EXD3: variants seen among roughly 807,000 people sequenced by gnomAD.
EXD3 encodes exonuclease mut-7 homolog.
Under a neutral mutation model 98.0 loss-of-function variants are expected in EXD3, and 92 were observed. The ratio of observed to expected loss-of-function variants is 0.94; its 90% CI spans 0.79 to 1.12. The LOEUF (loss-of-function observed/expected upper bound fraction) is 1.12. EXD3 is among the 50% of genes most tolerant of loss of function. The pLI, the probability that EXD3 is intolerant of heterozygous loss-of-function variation, is 0.00. For missense variants in EXD3, 1,222 were observed against 1,191.6 expected (o/e 1.03, Z -0.38); for synonymous variants, 569 against 526.0 (o/e 1.08, Z -1.12).
At position 137,395,895 on chromosome 9, in the gene EXD3, G is replaced by A. The variant is rs994419184; in HGVS notation, c.-47-491C>T. 2.0e-5 allele frequency among the ~76,000 whole-genome samples: 3 copies of A among 152,102 alleles called. No homozygotes were observed. The highest frequency in any genetic ancestry group is 6.5e-5 in the Admixed American group (1 of 15,274). ...TACGCAGCTCCGTAAGACTCCAGGC[G>A]GCCGCTGACAGCTCTCATCCCAGGC... is the stretch of plus-strand genomic sequence containing the variant. On this transcript the variant is annotated intron_variant, in intron 1 of 21. Transcript: ENST00000340951. This position sits in a 1 kb window ranked among gnomAD's most constrained non-coding sequence, Gnocchi z 6.5.
rs1000851829 is a variant in EXD3, at chr9:137,395,489, G to C, written c.-47-85C>G. Reference sequence around the variant, plus strand: ...CCCACGCCCACAGCCCCTGGAGGTGGTGGAGGGAGCTGGTGCCTGGGGGGG... The same window carrying C: ...CCCACGCCCACAGCCCCTGGAGGTGCTGGAGGGAGCTGGTGCCTGGGGGGG... On this transcript the variant is annotated intron_variant, in intron 1 of 21. Transcript: ENST00000340951. This position sits in a 1 kb window ranked among gnomAD's most constrained non-coding sequence, Gnocchi z 6.5. The C allele has an allele frequency of 2.2e-6, 3 of 1,358,454 alleles. No individual in the cohort carries two copies. The highest frequency in any genetic ancestry group is 1.4e-5 in the African/African-American group (1 of 69,672). The allele number at this position is 1,358,454 out of a possible 1,614,324, so 84.2% of individuals were successfully genotyped here.
At chr9:137,394,121 C>T (rs1421944911) in intron 2 of EXD3, among the ~76,000 whole-genome samples, 1 of 151,710 alleles carries the variant, frequency 6.6e-6, no homozygotes, top group African/African-American at 2.4e-5. Flanking sequence ...CCGCCGCTTC[C>T]CTAACCCCAG....
chr9:137,377,724 A>T (rs1365357140), intron 3 of EXD3, among the ~76,000 whole-genome samples: 1 of 152,050 alleles, frequency 6.6e-6, no homozygotes, highest in Non-Finnish European at 1.5e-5. Context: ...CTCTGTCAAA[A>T]AAGAAAGGAA....
At chr9:137,319,021 G>A (rs4074996) in intron 19 of EXD3, among the ~76,000 whole-genome samples, 11 of 152,264 alleles carry the variant, frequency 7.2e-5, no homozygotes, top group Non-Finnish European at 1.3e-4. Context: ...GAAGGAAGAA[G>A]AAAATGGAAA....
chr9:137,398,648 C>G, intron 1 of EXD3, among the ~76,000 whole-genome samples: 1 of 150,368 alleles, frequency 6.7e-6, no homozygotes, highest in Admixed American at 6.6e-5. Context: ...ACCCGCGTCC[C>G]CAAGACACAC....
chr9:137,328,080 TCC>T (rs1832568340), intron 17 of EXD3, among the ~76,000 whole-genome samples: 1 of 29,736 alleles, frequency 3.4e-5, no homozygotes, highest in Non-Finnish European at 7.0e-5. Context: ...ACTAACATAC[TCC>T]CATATGATGA....
In EXD3 at chr9:137,395,669, G is replaced by T. The variant is rs73668261; in HGVS notation, c.-47-265C>A. ...AGGGCAGGGGGTGGGAGGGGCCCTG[G>T]GGGGGGGCACAGTAGACAGACCCTC... is the stretch of plus-strand genomic sequence containing the variant. On this transcript the variant is annotated intron_variant, in intron 1 of 21. Transcript: ENST00000340951. This position sits in a 1 kb window ranked among gnomAD's most constrained non-coding sequence, Gnocchi z 6.5. 0.03 allele frequency among the ~76,000 whole-genome samples: 4,595 copies of T among 152,030 alleles called. 235 individuals carry two copies. Among genetic ancestry groups the T allele is most frequent in the African/African-American group, 0.1 (4,257 of 41,442 alleles).
At chr9:137,320,429 G>T (rs1346890829) in intron 19 of EXD3, among the ~76,000 whole-genome samples, 1 of 152,234 alleles carries the variant, frequency 6.6e-6, no homozygotes, top group East Asian at 1.9e-4. Flanking sequence ...CCCCCACGGG[G>T]GTGCAGCTCT....
chr9:137,306,956 G>A lies in EXD3; in HGVS notation c.2625C>T (p.Pro875=). The A allele has an allele frequency of 6.3e-7, 1 of 1,575,116 alleles. No individual in the cohort carries two copies. The highest frequency in any genetic ancestry group is 8.6e-7 in the Non-Finnish European group (1 of 1,159,010). The change falls in exon 22 of 22, where the codon CCC becomes CCT. Residue 875 remains proline (P), a synonymous_variant. Transcript: ENST00000340951. ...PSPAPSPASS[P]F ...GTTTATTGTCTGGCTGTCCTCAGAA[G>A]GGACTGCTGGCCGGGCTGGGGGCTG...
At position 137,408,546 on chromosome 9, in the gene EXD3, C is replaced by CAAAAAAAAAAAAAAAAAAAAAAAA. The variant is rs570243090; in HGVS notation, c.-47-13143_-47-13142insTTTTTTTTTTTTTTTTTTTTTTTT. ...TGGGCGATAGAGTGAGACTCTGCCT[C>CAAAAAAAAAAAAAAAAAAAAAAAA]AAAAAAAAAAAAAAAAAAAGAGGGC... On this transcript the variant is annotated intron_variant, in intron 1 of 21. Coordinates refer to ENST00000340951, the MANE Select transcript of EXD3 (RefSeq NM_017820.5). 9.0e-4 allele frequency among the ~76,000 whole-genome samples: 40 copies of CAAAAAAAAAAAAAAAAAAAAAAAA among 44,466 alleles called. 4 individuals are homozygous for CAAAAAAAAAAAAAAAAAAAAAAAA. The highest frequency in any genetic ancestry group is 2.5e-3 in the African/African-American group (23 of 9,346). 29.2% of individuals were successfully genotyped at this position (44,466 alleles called of 152,430 possible).
At chr9:137,408,957 C>A (rs1007983823) in intron 1 of EXD3, among the ~76,000 whole-genome samples, 2 of 152,232 alleles carry the variant, frequency 1.3e-5, no homozygotes, top group African/African-American at 4.8e-5. Flanking sequence ...ACTCACTTTG[C>A]TGATCAGCCT....
rs1316092698 is a variant in EXD3, at chr9:137,393,030, C to A, written c.55+2273G>T. On this transcript the variant is annotated intron_variant, in intron 2 of 21. Transcript: ENST00000340951. This position sits in a 1 kb window ranked among gnomAD's most constrained non-coding sequence, Gnocchi z 4.6. The stretch of plus-strand genomic sequence containing the variant: ...GGTGCCGTGTCTGTTCCAGGGAGGG[C>A]CATTAGTGTTCCAGGGGGTGCTGAG... The A allele has an allele frequency of 1.6e-6, 1 of 632,680 alleles. No homozygotes were observed. The highest frequency in any genetic ancestry group is 2.8e-6 in the Non-Finnish European group (1 of 352,708). The allele number at this position is 632,680 out of a possible 1,614,324, so 39.2% of individuals were successfully genotyped here.
intron 19 of EXD3, among the ~76,000 whole-genome samples, chr9:137,321,169 A>G (rs537402840): frequency 1.1e-3 from 168 of 152,326 alleles, no homozygotes; most frequent in African/African-American, 3.9e-3. Context: ...TCCTGCTTCA[A>G]TCCCCGCCAG....
chr9:137,319,824 ACTGGCC>A (rs1212932824), intron 19 of EXD3, among the ~76,000 whole-genome samples: 1 of 152,124 alleles, frequency 6.6e-6, no homozygotes, highest in Admixed American at 6.5e-5. Flanking sequence ...GCCCCATCGC[ACTGGCC>A]CTGAGGGACC....
At position 137,318,023 on chromosome 9, in the gene EXD3, CTCTG is replaced by C. The variant is rs553675870; in HGVS notation, c.2184+5698_2184+5701del. Among the ~76,000 whole-genome samples the C allele has an allele frequency of 3.1e-3, 465 of 152,246 alleles. 4 individuals are homozygous for C. The highest frequency in any genetic ancestry group is 0.01 in the African/African-American group (435 of 41,550). The stretch of plus-strand genomic sequence containing the variant: ...CCGCTGCACCTCTTCCTGTCTGTCC[CTCTG>C]TCTATCAACTGAGCACAGAGAATGT... On this transcript the variant is annotated intron_variant, in intron 19 of 21. Coordinates refer to ENST00000340951, the MANE Select transcript of EXD3 (RefSeq NM_017820.5).
intron 19 of EXD3, among the ~76,000 whole-genome samples, chr9:137,320,159 CAT>C (rs1588237137): frequency 6.6e-6 from 1 of 152,220 alleles, no homozygotes; most frequent in Non-Finnish European, 1.5e-5. Flanking sequence ...CACAGAGACG[CAT>C]ATGTCTGCAA....
At chr9:137,357,585 T>C (rs200409939) in intron 7 of EXD3, among the ~76,000 whole-genome samples, 47 of 152,080 alleles carry the variant, frequency 3.1e-4, no homozygotes, top group African/African-American at 1.1e-3. Flanking sequence ...CCATCTCCAC[T>C]TCACAGACGC....
At chr9:137,363,188 C>T (rs1283850377) in intron 7 of EXD3, among the ~76,000 whole-genome samples, 1 of 151,550 alleles carries the variant, frequency 6.6e-6, no homozygotes, top group Non-Finnish European at 1.5e-5. Context: ...CATTTATCCT[C>T]ATGAAATATG....
At chr9:137,394,639 G>A (rs527872418) in intron 2 of EXD3, among the ~76,000 whole-genome samples, 1 of 152,322 alleles carries the variant, frequency 6.6e-6, no homozygotes, top group Non-Finnish European at 1.5e-5. Context: ...GGAACAGGAG[G>A]GAGAGAGGCT....
Sources: allele counts gnomAD v4.1 joint callset (sites outside exome capture counted in the v4.1 genomes callset), GRCh38; gene constraint gnomAD v4.1.1; non-coding constraint Gnocchi (gnomAD v3.1); transcripts MANE v1.5; gene names NCBI Gene and HGNC (gene_info 2026-07-23, HGNC 2026-07-21).